Variants in LBH observed in about 807,000 individuals in gnomAD.
LBH encodes LBH regulator of Wnt signaling pathway.
LBH carries 7 observed loss-of-function variants against 12.5 expected under a neutral mutation model. That is an observed-to-expected ratio of 0.56 (90% confidence interval 0.32 to 1.05). The LOEUF (loss-of-function observed/expected upper bound fraction) is 1.05, where lower values mean the gene tolerates loss of function less well. LBH is among the 50% of genes least tolerant of loss of function. The pLI, the probability that LBH is intolerant of heterozygous loss-of-function variation, is 0.04. For missense variants in LBH, 119 were observed against 138.9 expected (o/e 0.86, Z 0.72); for synonymous variants, 51 against 50.1 (o/e 1.02, Z -0.08).
At position 30,231,613 on chromosome 2, in the gene LBH, A is replaced by G; in HGVS notation, c.-126A>G. On this transcript the variant is annotated 5_prime_UTR_variant, in exon 1 of 3. Transcript: ENST00000395323. ...CCGTGGGGCTGTCCTGGGAAGGCGG[A>G]CGGCGAGCGCCCGGTGTCCGCACTC... The G allele has an allele frequency of 8.9e-6, 8 of 896,974 alleles. No homozygotes were observed. The highest frequency in any genetic ancestry group is 1.3e-5 in the Non-Finnish European group (7 of 553,850). 55.6% of individuals were successfully genotyped at this position (896,974 alleles called of 1,614,324 possible). A position where few individuals can be genotyped will look rare whatever the true frequency, so the allele number is the denominator to read the frequency against.
chr2:30,255,216 C>T (rs945769647), intron 2 of LBH, among the ~76,000 whole-genome samples: 1 of 152,238 alleles, frequency 6.6e-6, no homozygotes, highest in Non-Finnish European at 1.5e-5. Flanking sequence ...GCTTGGAGGG[C>T]GCCTTGTGTC....
At chr2:30,252,387 G>T (rs565097184) in intron 2 of LBH, among the ~76,000 whole-genome samples, 1 of 152,170 alleles carries the variant, frequency 6.6e-6, no homozygotes, top group Non-Finnish European at 1.5e-5. Flanking sequence ...TTTAGGCCAG[G>T]TGCAGTGGCT....
rs983246091 is a variant in LBH, at chr2:30,258,657, A to C, written c.*1036A>C. On this transcript the variant is annotated 3_prime_UTR_variant, in exon 3 of 3. Coordinates refer to ENST00000395323, the MANE Select transcript of LBH (RefSeq NM_030915.4). ...CCTATGGATTCCCGCCAGTCTGCCC[A>C]GCTGCAGTACTCACGCCCCATGGGG... 5 of 152,456 alleles carry C rather than the reference A, an allele frequency of 3.3e-5. No individual in the cohort carries two copies. Among genetic ancestry groups the C allele is most frequent in the Non-Finnish European group, 5.9e-5 (4 of 68,256 alleles). 9.4% of individuals were successfully genotyped at this position (152,456 alleles called of 1,614,324 possible).
chr2:30,231,629 G>A lies in LBH; in HGVS notation c.-110G>A, dbSNP rs1677585803. 8.1e-6 allele frequency: 9 copies of A among 1,115,130 alleles called. No homozygotes were observed. Among genetic ancestry groups the A allele is most frequent in the Non-Finnish European group, 1.1e-5 (8 of 744,126 alleles). The allele number at this position is 1,115,130 out of a possible 1,614,324, so 69.1% of individuals were successfully genotyped here. A position where few individuals can be genotyped will look rare whatever the true frequency, so the allele number is the denominator to read the frequency against. The stretch of plus-strand genomic sequence containing the variant: ...GGAAGGCGGACGGCGAGCGCCCGGT[G>A]TCCGCACTCGGCCGCCTGCCGTGCC... On this transcript the variant is annotated 5_prime_UTR_variant, in exon 1 of 3. Transcript: ENST00000395323.
At chr2:30,231,872 G>A in intron 1 of LBH, 108 bp downstream of exon 1, 2 of 984,114 alleles carry the variant, frequency 2.0e-6, no homozygotes, top group African/African-American at 1.8e-5. Context: ...CGGCGCGGGC[G>A]CTCAGCGCTA....
At chr2:30,243,525 CTTTTTTTTTT>C (rs886828942) in intron 2 of LBH, among the ~76,000 whole-genome samples, 1 of 110,148 alleles carries the variant, frequency 9.1e-6, no homozygotes, top group African/African-American at 3.9e-5. Context: ...GGGCTGGACT[CTTTTTTTTTT>C]TTTTTTTTTT....
At chr2:30,235,690 TA>T (rs11285876) in intron 2 of LBH, among the ~76,000 whole-genome samples, 62,131 of 146,234 alleles carry the variant, frequency 0.42, 12,966 homozygotes, top group East Asian at 0.59. Flanking sequence ...TTTTGTAAAT[TA>T]AAAAAAAAAA....
intron 2 of LBH, among the ~76,000 whole-genome samples, chr2:30,236,942 G>GA (rs74807340): frequency 1.3e-5 from 2 of 151,680 alleles, no homozygotes; most frequent in East Asian, 3.9e-4. Flanking sequence ...TATGCCAGGG[G>GA]CAGGGCTGTG....
chr2:30,244,779 A>G (rs1677845287), intron 2 of LBH, among the ~76,000 whole-genome samples: 3 of 151,974 alleles, frequency 2.0e-5, no homozygotes, highest in Admixed American at 2.0e-4. Context: ...GGTGGTGTGC[A>G]CCCGTAGTCC....
At chr2:30,232,073 T>G in intron 1 of LBH, 1 of 1,513,754 alleles carries the variant, frequency 6.6e-7, no homozygotes, top group Non-Finnish European at 8.9e-7. Flanking sequence ...GAAACCACCC[T>G]ATGCGGAGAG....
At chr2:30,235,166 T>C (rs1677667915) in intron 2 of LBH, among the ~76,000 whole-genome samples, 1 of 152,170 alleles carries the variant, frequency 6.6e-6, no homozygotes, top group Non-Finnish European at 1.5e-5. Flanking sequence ...CTCTGGACTC[T>C]TACCCCAGCC....
In LBH at chr2:30,231,772, C is replaced by T. The variant is rs1009613429; in HGVS notation, c.26+8C>T. 6.4e-7 allele frequency: 1 copy of T among 1,559,160 alleles called. No individual in the cohort carries two copies. The highest frequency in any genetic ancestry group is 1.4e-5 in the African/African-American group (1 of 70,616). The stretch of plus-strand genomic sequence containing the variant: ...ATATTTCCCCATTCACTGGTGAGTA[C>T]CCTGCGCCTGCGGCGGGCGTCTGTC... On this transcript the variant is annotated splice_region_variant and intron_variant, in intron 1 of 2. Transcript: ENST00000395323.
At chr2:30,255,765 A>G (rs1198197267) in intron 2 of LBH, among the ~76,000 whole-genome samples, 1 of 152,154 alleles carries the variant, frequency 6.6e-6, no homozygotes, top group Non-Finnish European at 1.5e-5. Context: ...CCTTTCTTCT[A>G]TGTCCTGGTA....
In LBH at chr2:30,246,818, TCCC is replaced by T. The variant is rs775974746; in HGVS notation, c.130-10614_130-10612del. Among the ~76,000 whole-genome samples the T allele has an allele frequency of 2.4e-5, 3 of 124,456 alleles. No homozygotes were observed. The South Asian group carries it at 8.8e-4, about 36-fold the overall frequency. 81.6% of individuals were successfully genotyped at this position (124,456 alleles called of 152,430 possible). ...CTTCCTCACTCACTCCCTCCCTCCC[TCCC>T]TCCCTCCTTTCTTTCTTTCTTTCAG... On this transcript the variant is annotated intron_variant, in intron 2 of 2. Transcript: ENST00000395323.
chr2:30,239,280 G>A (rs1034503429), intron 2 of LBH, among the ~76,000 whole-genome samples: 2 of 152,334 alleles, frequency 1.3e-5, no homozygotes, highest in South Asian at 2.1e-4. Flanking sequence ...TGGGTGGAAT[G>A]CGTGTGTGGA....
Position 30,231,653 on chromosome 2 carries a change from C to A in LBH, c.-86C>A. The A allele has an allele frequency of 7.3e-7, 1 of 1,372,770 alleles. No homozygotes were observed. Among genetic ancestry groups the A allele is most frequent in the Non-Finnish European group, 1.0e-6 (1 of 973,160 alleles). 85.0% of individuals were successfully genotyped at this position (1,372,770 alleles called of 1,614,324 possible). A position where few individuals can be genotyped will look rare whatever the true frequency, so the allele number is the denominator to read the frequency against. The stretch of plus-strand genomic sequence containing the variant: ...TGTCCGCACTCGGCCGCCTGCCGTG[C>A]CCGTCTGCGCCCGTGTCATCCTCAC... On this transcript the variant is annotated 5_prime_UTR_variant, in exon 1 of 3. Transcript: ENST00000395323.
chr2:30,249,513 G>A (rs1297764281), intron 2 of LBH, among the ~76,000 whole-genome samples: 1 of 152,188 alleles, frequency 6.6e-6, no homozygotes, highest in East Asian at 1.9e-4. Context: ...AAAGGAGGAG[G>A]TAGAAGAAGA....
At chr2:30,232,390 CGCCGTGCTG>C (rs1677606160) in intron 1 of LBH, 1 of 843,802 alleles carries the variant, frequency 1.2e-6, no homozygotes, top group African/African-American at 1.8e-5. Flanking sequence ...GAGCCGCCTT[CGCCGTGCTG>C]AAGGGGAAGG....
At chr2:30,257,245 T>A (rs1056276497) in intron 2 of LBH, among the ~76,000 whole-genome samples, 188 bp from the exon 3 acceptor site, 1 of 152,222 alleles carries the variant, frequency 6.6e-6, no homozygotes, top group African/African-American at 2.4e-5. Flanking sequence ...TGAGGGACAG[T>A]TTCCTATGTT....
Sources: allele counts gnomAD v4.1 joint callset (sites outside exome capture counted in the v4.1 genomes callset), GRCh38; gene constraint gnomAD v4.1.1; transcripts MANE v1.5; gene names NCBI Gene and HGNC (gene_info 2026-07-23, HGNC 2026-07-21).